The following CASKIN1 variants were observed in gnomAD, a reference collection of about 807,000 sequenced individuals.
CASKIN1 encodes caskin-1.
A neutral mutation model predicts 117.5 loss-of-function variants in CASKIN1; 42 were observed. The ratio of observed to expected loss-of-function variants is 0.36; its 90% confidence interval spans 0.28 to 0.46. CASKIN1 has a LOEUF of 0.46. Among genes scored for constraint, CASKIN1 ranks in the 20% least tolerant of loss-of-function variants. CASKIN1 has a pLI of 1.00. For missense variants in CASKIN1, 2,083 were observed against 2,077.3 expected, an observed-to-expected ratio of 1.00 and a Z score of -0.05; for synonymous variants, 1,148 against 961.7, an observed-to-expected ratio of 1.19 and a Z score of -3.59.
chr16:2,191,481 C>T (rs1012715851), intron 1 of CASKIN1, among the ~76,000 whole-genome samples: 3 of 152,178 alleles, frequency 2.0e-5, no homozygotes, highest in African/African-American at 4.8e-5. Flanking sequence ...GAGCTGGAGC[C>T]GGGGGTGCTA....
Position 2,181,032 on chromosome 16 carries a change from G to A in CASKIN1, c.2336C>T (p.Thr779Met), listed in dbSNP as rs140130801. ...AGAGCCTGGTCGGGTTTTGGTGGGC[G>A]TCTGGGGGGGCGTGAAGTGGCTAGT... ...PGTSHFTPPQ[T>M]PTKTRPGSPQ... The change falls in exon 18 of 20, where the codon ACG becomes ATG. Residue 779 changes from threonine (T) to methionine (M), a missense_variant. Thr to Met is a moderately conservative substitution (Grantham distance 81, BLOSUM62 -1). Around this residue, in one of 3 missense-constraint regions of CASKIN1, gnomAD observed 1,818 missense variants for 1,688.9 expected, o/e 1.08. Coordinates refer to ENST00000343516, the MANE Select transcript of CASKIN1 (RefSeq NM_020764.4). 58 of 1,486,838 alleles carry A rather than the reference G, an allele frequency of 3.9e-5. No individual in the cohort carries two copies. Among genetic ancestry groups the A allele is most frequent in the Non-Finnish European group, 4.6e-5 (52 of 1,123,048 alleles). The allele number at this position is 1,486,838 out of a possible 1,614,324, so 92.1% of individuals were successfully genotyped here.
intron 10 of CASKIN1, 45 bp downstream of exon 10, chr16:2,186,662 A>G: frequency 6.5e-7 from 1 of 1,544,702 alleles, no homozygotes; most frequent in Non-Finnish European, 8.9e-7. Context: ...CCAGCCCCCA[A>G]GCCCAGGGGC....
intron 10 of CASKIN1, 51 bp from the exon 11 acceptor site, chr16:2,185,459 T>C (rs756671754): frequency 6.8e-7 from 1 of 1,469,604 alleles, no homozygotes; most frequent in South Asian, 1.3e-5. Context: ...TGGCGGGTAC[T>C]GACGCAGGGG....
In CASKIN1 at chr16:2,180,531, G is replaced by A. The variant is rs1215391486; in HGVS notation, c.2837C>T (p.Pro946Leu). 10 of 1,545,542 alleles carry A rather than the reference G, an allele frequency of 6.5e-6. No individual in the cohort carries two copies. Among genetic ancestry groups the A allele is most frequent in the Admixed American group, 1.9e-5 (1 of 51,624 alleles). ...GCTGGAGCGCTTGGGTGGGGGCGGCGGGGGCCCCTTCTTTCGGGGCCGCAC... is the reference window on the plus strand; with the variant it reads ...GCTGGAGCGCTTGGGTGGGGGCGGCAGGGGCCCCTTCTTTCGGGGCCGCAC... Reference protein sequence around the residue: ...FAVRPRKKGPPPPPPKRSSSA... With the variant: ...FAVRPRKKGPLPPPPKRSSSA... The change falls in exon 18 of 20, where the codon CCG becomes CTG. Residue 946 changes from proline to leucine, a missense_variant. By Grantham distance (98) the Pro-to-Leu change is moderately conservative (BLOSUM62 -3). Around this residue, in one of 3 missense-constraint regions of CASKIN1, gnomAD observed 1,818 missense variants for 1,688.9 expected, o/e 1.08. Coordinates refer to ENST00000343516, the MANE Select transcript of CASKIN1 (RefSeq NM_020764.4).
rs987412804 is a variant in CASKIN1, at chr16:2,182,421, C to G, written c.1630-492G>C. Among the ~76,000 whole-genome samples the G allele has an allele frequency of 6.6e-6, 1 of 152,174 alleles. No individual in the cohort carries two copies. Among genetic ancestry groups the G allele is most frequent in the Admixed American group, 6.5e-5 (1 of 15,282 alleles). ...ATGCCACACAGCCACAACACACACA[C>G]GTGCCAACACCCACAGCAATCTGCA... On this transcript the variant is annotated intron_variant, in intron 16 of 19. Coordinates refer to ENST00000343516, the MANE Select transcript of CASKIN1 (RefSeq NM_020764.4). This position sits in a 1 kb window ranked among gnomAD's most constrained non-coding sequence, Gnocchi z 4.1.
In CASKIN1 at chr16:2,186,822, G is replaced by C. The variant is rs575250033; in HGVS notation, c.933C>G (p.Val311=). The C allele has an allele frequency of 3.3e-5, 53 of 1,612,904 alleles. No homozygotes were observed. The South Asian group carries it at 5.6e-4, about 17-fold the overall frequency. ...ACCGGCCATCCGGATGCTGCTCGAG[G>C]ACCTGGCCAGTAAGGTGGGGGGCGC... ...LNVKAGDIIT[V]LEQHPDGRWK... is the part of the protein sequence containing the mutation. Residue 311 remains valine, a splice_region_variant and synonymous_variant, in exon 10 of 20, where the codon GTC becomes GTG. Coordinates refer to ENST00000343516, the MANE Select transcript of CASKIN1 (RefSeq NM_020764.4).
At position 2,180,704 on chromosome 16, in the gene CASKIN1, C is replaced by T. The variant is rs755076865; in HGVS notation, c.2664G>A (p.Ala888=). 2.6e-5 allele frequency: 39 copies of T among 1,479,648 alleles called. No individual in the cohort carries two copies. The highest frequency in any genetic ancestry group is 2.1e-4 in the African/African-American group (15 of 70,050). 91.7% of individuals were successfully genotyped at this position (1,479,648 alleles called of 1,614,324 possible). ...KRAHSLNRYA[A]SDSEPERDEL... is the part of the protein sequence containing the mutation. ...CGTCCCGCTCCGGCTCGCTGTCGGA[C>T]GCCGCATAGCGATTCAGGCTGTGGG... Residue 888 remains alanine (A), a synonymous_variant, in exon 18 of 20, where the codon GCG becomes GCA. Transcript: ENST00000343516.
chr16:2,183,789 C>T (rs1272798088), intron 15 of CASKIN1, 42 bp from the exon 16 acceptor site: 1 of 1,611,758 alleles, frequency 6.2e-7, no homozygotes, highest in East Asian at 2.2e-5. Context: ...CTGGGCCCAT[C>T]TGTGGGACGC....
Position 2,190,251 on chromosome 16 carries a change from G to A in CASKIN1, c.146+56C>T, listed in dbSNP as rs376677375. On this transcript the variant is annotated intron_variant, in intron 2 of 19. Coordinates refer to ENST00000343516, the MANE Select transcript of CASKIN1 (RefSeq NM_020764.4). ...CACCCTGCCCTCCCCCGGCACCTAG[G>A]CCTCTCTAGGAGCCACCCTCCCTTC... 704 of 1,583,582 alleles carry A rather than the reference G, an allele frequency of 4.4e-4. 2 individuals are homozygous for A. In the Middle Eastern group the frequency reaches 5.3e-3, roughly 12 times the overall value.
In CASKIN1 at chr16:2,181,137, G is replaced by A. The variant is rs1281095353; in HGVS notation, c.2231C>T (p.Pro744Leu). The change falls in exon 18 of 20, where the codon CCC becomes CTC. Residue 744 changes from proline to leucine, a missense_variant. Coordinates refer to ENST00000343516, the MANE Select transcript of CASKIN1 (RefSeq NM_020764.4). ...APGTPPREAR[P>L]GRHGHSIKRA... Reference sequence around the variant, plus strand: ...CTTGATGCTGTGGCCGTGGCGGCCGGGCCGGGCCTCCCTGGGCGGGGTGCC... The same window carrying A: ...CTTGATGCTGTGGCCGTGGCGGCCGAGCCGGGCCTCCCTGGGCGGGGTGCC... 1.3e-6 allele frequency: 2 copies of A among 1,482,802 alleles called. No homozygotes were observed. Among genetic ancestry groups the A allele is most frequent in the Non-Finnish European group, 8.9e-7 (1 of 1,126,398 alleles). The allele number at this position is 1,482,802 out of a possible 1,614,324, so 91.9% of individuals were successfully genotyped here. A position where few individuals can be genotyped will look rare whatever the true frequency, so the allele number is the denominator to read the frequency against.
In CASKIN1 at chr16:2,189,444, G is replaced by A. The variant is rs1346458348; in HGVS notation, c.365C>T (p.Ala122Val). The A allele has an allele frequency of 6.2e-7, 1 of 1,611,898 alleles. No homozygotes were observed. Among genetic ancestry groups the A allele is most frequent in the Non-Finnish European group, 8.5e-7 (1 of 1,179,636 alleles). The change falls in exon 4 of 20, where the codon GCG (alanine) becomes GTG (valine). Residue 122 changes from alanine (A) to valine (V), a missense_variant. Around this residue, in one of 3 missense-constraint regions of CASKIN1, gnomAD observed 203 missense variants for 338.7 expected, o/e 0.60. Coordinates refer to ENST00000343516, the MANE Select transcript of CASKIN1 (RefSeq NM_020764.4). Reference sequence around the variant, plus strand: ...CACATCATAGTGACCATGCTGGGCCGCCAGGTGCAGGGGGATGTGGCCCTC... The same window carrying A: ...CACATCATAGTGACCATGCTGGGCCACCAGGTGCAGGGGGATGTGGCCCTC... ...SDEGHIPLHL[A>V]AQHGHYDVSE...
At chr16:2,184,921 C>T (rs756374625) in intron 13 of CASKIN1, 30 bp downstream of exon 13, 100 of 1,581,464 alleles carry the variant, frequency 6.3e-5, no homozygotes, top group Admixed American at 8.8e-5. Flanking sequence ...TTTCCTCCAT[C>T]GGGCTGCGTG....
Position 2,179,353 on chromosome 16 carries a change from G to A in CASKIN1, c.3776-28C>T. Reference sequence around the variant, plus strand: ...GCGGGGAGGACCACGCTGGCACCGAGCGGGCACGAGTTCCGCCGCCGCGCC... The same window carrying A: ...GCGGGGAGGACCACGCTGGCACCGAACGGGCACGAGTTCCGCCGCCGCGCC... On this transcript the variant is annotated intron_variant, in intron 18 of 19. Coordinates refer to ENST00000343516, the MANE Select transcript of CASKIN1 (RefSeq NM_020764.4). The surrounding 1 kb of genome is among the most constrained non-coding windows in gnomAD (Gnocchi z 5.8). 1 of 1,322,828 alleles carries A rather than the reference G, an allele frequency of 7.6e-7. No homozygotes were observed. The allele number at this position is 1,322,828 out of a possible 1,614,324, so 81.9% of individuals were successfully genotyped here.
chr16:2,191,085 C>T (rs79960691), intron 1 of CASKIN1, among the ~76,000 whole-genome samples: 3,050 of 152,314 alleles, frequency 0.02, 104 homozygotes, highest in African/African-American at 0.068. Context: ...GGAAGCCCAC[C>T]GATGCCCTCC....
At chr16:2,184,556 C>A (rs2093178056) in intron 14 of CASKIN1, among the ~76,000 whole-genome samples, 2 of 152,192 alleles carry the variant, frequency 1.3e-5, no homozygotes, top group South Asian at 4.1e-4. Context: ...CACAGAGGCA[C>A]AGGTTGGCCC....
Position 2,186,840 on chromosome 16 carries a change from G to A in CASKIN1, c.931-16C>T, listed in dbSNP as rs2093186293. On this transcript the variant is annotated splice_polypyrimidine_tract_variant and intron_variant, in intron 9 of 19. Transcript: ENST00000343516. ...GCTCGAGGACCTGGCCAGTAAGGTG[G>A]GGGGCGCTCAGGGAGATGCCCCCTT... 2 of 1,611,890 alleles carry A rather than the reference G, an allele frequency of 1.2e-6. No individual in the cohort carries two copies. Among genetic ancestry groups the A allele is most frequent in the Non-Finnish European group, 1.7e-6 (2 of 1,179,158 alleles).
intron 6 of CASKIN1, 56 bp downstream of exon 6, chr16:2,188,971 C>T (rs1013488939): frequency 6.4e-7 from 1 of 1,560,508 alleles, no homozygotes; most frequent in East Asian, 2.3e-5. Flanking sequence ...GAGCCCCAGG[C>T]TGCTGCTGAA....
At position 2,179,858 on chromosome 16, in the gene CASKIN1, G is replaced by A; in HGVS notation, c.3510C>T (p.Tyr1170=). Residue 1170 remains tyrosine (Y), a synonymous_variant, in exon 18 of 20, where the codon TAC becomes TAT. Transcript: ENST00000343516. This position sits in a 1 kb window ranked among gnomAD's most constrained non-coding sequence, Gnocchi z 5.8. ...GPEPPPPLSV[Y]HNGTGTVRRR... is the part of the protein sequence containing the mutation. ...GGCGCACGGTGCCAGTGCCATTATG[G>A]TACACGGACAGTGGCGGTGGTGGCT... 6.2e-7 allele frequency: 1 copy of A among 1,607,440 alleles called. No homozygotes were observed. The highest frequency in any genetic ancestry group is 8.5e-7 in the Non-Finnish European group (1 of 1,177,874).
rs761518196 is a variant in CASKIN1 at position 2,180,484 on chromosome 16, G to A, written c.2884C>T (p.Leu962=). The change falls in exon 18 of 20, where the codon CTG becomes TTG. Residue 962 remains leucine (L), a synonymous_variant. Transcript: ENST00000343516. ...RSSSALASAN[L]ADEPVPDAEP... is the part of the protein sequence containing the mutation. Reference sequence around the variant, plus strand: ...GCGTCAGGCACCGGCTCATCCGCCAGGTTGGCACTAGCCAGGGCCGAGCTG... The same window carrying A: ...GCGTCAGGCACCGGCTCATCCGCCAAGTTGGCACTAGCCAGGGCCGAGCTG... 66 of 1,551,372 alleles carry A rather than the reference G, an allele frequency of 4.3e-5. No homozygotes were observed. The highest frequency in any genetic ancestry group is 6.8e-5 in the African/African-American group (5 of 73,618).
Sources: gnomAD v4.1 joint callset for allele counts (sites outside exome capture counted in the v4.1 genomes callset) on GRCh38, gnomAD v4.1.1 for gene constraint, gnomAD v4.1.1 regional missense constraint, Gnocchi (gnomAD v3.1) non-coding constraint, MANE v1.5 for transcripts, NCBI Gene and HGNC (gene_info 2026-07-23, HGNC 2026-07-21) for gene names.